The following PPP6R2 variants were observed in gnomAD, a reference collection of about 807,000 sequenced individuals.
PPP6R2 encodes the protein serine/threonine-protein phosphatase 6 regulatory subunit 2.
Under a neutral mutation model 100.2 loss-of-function variants are expected in PPP6R2, and 62 were observed. The observed-to-expected ratio is 0.62, with a 90% CI of 0.50 to 0.76. The LOEUF (loss-of-function observed/expected upper bound fraction) is 0.76, where lower values mean the gene tolerates loss of function less well. Among genes scored for constraint, PPP6R2 ranks in the 30% least tolerant of loss-of-function variants. The pLI, the probability that PPP6R2 is intolerant of heterozygous loss-of-function variation, is 0.00. For missense variants in PPP6R2, 1,142 were observed against 1,276.3 expected, an observed-to-expected ratio of 0.89 and a Z score of 1.60; for synonymous variants, 525 against 514.7, an observed-to-expected ratio of 1.02 and a Z score of -0.27.
chr22:50,423,763 C>T lies in PPP6R2; in HGVS notation c.1125+149C>T, dbSNP rs1225445520. On this transcript the variant is annotated intron_variant, in intron 10 of 23. Transcript: ENST00000612753. The surrounding 1 kb of genome is among the most constrained non-coding windows in gnomAD (Gnocchi z 4.8). ...AGTCCCAAGTCCCAAGGCTGGACTA[C>T]AGGTCTCTGGCGGGGCACAGAGCAG... The T allele has an allele frequency of 9.8e-7, 1 of 1,020,308 alleles. No homozygotes were observed. Among genetic ancestry groups the T allele is most frequent in the Non-Finnish European group, 1.4e-6 (1 of 699,890 alleles). The allele number at this position is 1,020,308 out of a possible 1,614,324, so 63.2% of individuals were successfully genotyped here.
In PPP6R2 at chr22:50,435,074, C is replaced by G; in HGVS notation, c.1509C>G (p.Val503=). 6.5e-7 allele frequency: 1 copy of G among 1,547,448 alleles called. No homozygotes were observed. Among genetic ancestry groups the G allele is most frequent in the Non-Finnish European group, 8.7e-7 (1 of 1,144,374 alleles). The part of the protein sequence containing the change: ...RGPVQTHISE[V]IRGLPADCRG... Reference sequence around the variant, plus strand: ...CTGTGCAGACGCACATCAGCGAGGTCATCCGAGGTGAGCCCCCAACCCGGT... The same window carrying G: ...CTGTGCAGACGCACATCAGCGAGGTGATCCGAGGTGAGCCCCCAACCCGGT... Residue 503 remains valine, a synonymous_variant, in exon 13 of 24, where the codon GTC becomes GTG. Coordinates refer to ENST00000612753, the MANE Select transcript of PPP6R2 (RefSeq NM_001242898.2).
At chr22:50,339,649 GGT>G (rs1210735461), upstream of PPP6R2, among the ~76,000 whole-genome samples, 3 of 132,610 alleles carry the variant, frequency 2.3e-5, no homozygotes, top group African/African-American at 5.7e-5. Context: ...GTGTGTGTAG[GGT>G]GTGTGGTGTA....
In PPP6R2 at chr22:50,360,159, T is replaced by A. The variant is rs539260757; in HGVS notation, c.-147-11861T>A. ...CCTCCATCTCCTGGGTTCAAGCGAT[T>A]CTCCTGCCTCAGCCTCCCAAGTAGC... is the stretch of plus-strand genomic sequence containing the variant. On this transcript the variant is annotated intron_variant, in intron 1 of 23. Transcript: ENST00000612753. 7.2e-5 allele frequency among the ~76,000 whole-genome samples: 11 copies of A among 151,894 alleles called. No homozygotes were observed. In the South Asian group the frequency reaches 2.3e-3, roughly 32 times the overall value.
Position 50,438,261 on chromosome 22 carries a change from G to C in PPP6R2, c.1927G>C (p.Asp643His). The stretch of plus-strand genomic sequence containing the variant: ...GGACGAGGACATCTGGGAGGACAGT[G>C]ACACTCGCTGTGCTGCCCGGGTGAT... The part of the protein sequence containing the change: ...DEDEDIWEDS[D>H]TRCAARVMAR... Residue 643 changes from aspartate (D) to histidine (H), a missense_variant, in exon 18 of 24, where the codon GAC (aspartate) becomes CAC (histidine). By Grantham distance (81) the Asp-to-His change is moderately conservative (BLOSUM62 -1). This residue lies in a region of PPP6R2 where 550 missense variants were observed against 517.4 expected (regional missense o/e 1.06). Transcript: ENST00000612753. The C allele has an allele frequency of 1.2e-6, 2 of 1,613,796 alleles. No homozygotes were observed. Among genetic ancestry groups the C allele is most frequent in the Non-Finnish European group, 1.7e-6 (2 of 1,179,968 alleles).
chr22:50,356,256 G>A (rs917616653), intron 1 of PPP6R2, among the ~76,000 whole-genome samples: 1 of 151,078 alleles, frequency 6.6e-6, no homozygotes, highest in East Asian at 1.9e-4. Flanking sequence ...GAGCCACCAC[G>A]CCCGGCCTTC....
chr22:50,342,233 T>C (rs1276902698), upstream of PPP6R2, among the ~76,000 whole-genome samples: 1 of 152,214 alleles, frequency 6.6e-6, no homozygotes, highest in Non-Finnish European at 1.5e-5. Context: ...GCAGGGTGTC[T>C]CTTCTCTAGG....
At chr22:50,391,432 CAAAAAAAA>C (rs57682271) in intron 2 of PPP6R2, among the ~76,000 whole-genome samples, 10 of 65,294 alleles carry the variant, frequency 1.5e-4, no homozygotes, top group African/African-American at 6.4e-4. Flanking sequence ...GACTCCGTCT[CAAAAAAAA>C]AAAAAAAAAA....
At chr22:50,401,737 G>A (rs2058077944) in intron 3 of PPP6R2, among the ~76,000 whole-genome samples, 1 of 151,656 alleles carries the variant, frequency 6.6e-6, no homozygotes, top group Non-Finnish European at 1.5e-5. Flanking sequence ...TCGCCTCCTG[G>A]GTTCACGCCA....
upstream of PPP6R2, among the ~76,000 whole-genome samples, chr22:50,338,440 AGTGT>A (rs1355699571): frequency 1.4e-5 from 1 of 71,174 alleles, no homozygotes; most frequent in East Asian, 4.8e-4. Flanking sequence ...GTGTGTGTAG[AGTGT>A]GTGGTGTGTG....
rs961963453 is a variant in PPP6R2, at chr22:50,431,456, G to A, written c.1335+74G>A. The A allele has an allele frequency of 3.0e-5, 41 of 1,361,172 alleles. No individual in the cohort carries two copies. Among genetic ancestry groups the A allele is most frequent in the Admixed American group, 1.6e-4 (8 of 50,904 alleles). The allele number at this position is 1,361,172 out of a possible 1,614,324, so 84.3% of individuals were successfully genotyped here. ...AGACCGTGTCCATGTCAGCGCTGAC[G>A]TGTGCCGGACCTCACTGTGCAGCTG... On this transcript the variant is annotated intron_variant, in intron 11 of 23. Transcript: ENST00000612753. This position sits in a 1 kb window ranked among gnomAD's most constrained non-coding sequence, Gnocchi z 4.8.
At chr22:50,338,048 GGTGTGATGT>G in the PPP6R2 span, among the ~76,000 whole-genome samples, 2 of 137,014 alleles carry the variant, frequency 1.5e-5, no homozygotes, top group Admixed American at 7.3e-5. Flanking sequence ...GTGTATGTGT[GGTGTGATGT>G]GTGTGGTGTG....
At position 50,436,363 on chromosome 22, in the gene PPP6R2, G is replaced by T; in HGVS notation, c.1517-4G>T. The stretch of plus-strand genomic sequence containing the variant: ...GGGCTCACCAGGCAGCACTTCCCTT[G>T]CAGGGCTCCCTGCGGACTGCCGTGG... On this transcript the variant is annotated splice_region_variant and splice_polypyrimidine_tract_variant and intron_variant, in intron 13 of 23. Coordinates refer to ENST00000612753, the MANE Select transcript of PPP6R2 (RefSeq NM_001242898.2). 6.4e-7 allele frequency: 1 copy of T among 1,568,536 alleles called. No individual in the cohort carries two copies. Among genetic ancestry groups the T allele is most frequent in the East Asian group, 2.3e-5 (1 of 43,182 alleles).
chr22:50,438,780 G>A lies in PPP6R2; in HGVS notation c.2128+18G>A. 1 of 1,576,430 alleles carries A rather than the reference G, an allele frequency of 6.3e-7. No individual in the cohort carries two copies. Among genetic ancestry groups the A allele is most frequent in the South Asian group, 1.1e-5 (1 of 87,286 alleles). ...CTCAGAAGGTGGTGCTGGGCGCCAG[G>A]GGCTGGGAGTGTGGGTATCGGGGAC... On this transcript the variant is annotated intron_variant, in intron 19 of 23. Transcript: ENST00000612753.
intron 3 of PPP6R2, among the ~76,000 whole-genome samples, chr22:50,398,390 C>G (rs1208105753): frequency 2.0e-5 from 3 of 151,280 alleles, no homozygotes; most frequent in Non-Finnish European, 4.4e-5. Context: ...CCAGGCTGGT[C>G]TCGAATTCCC....
At chr22:50,368,977 G>A (rs2049363348) in intron 1 of PPP6R2, among the ~76,000 whole-genome samples, 1 of 152,140 alleles carries the variant, frequency 6.6e-6, no homozygotes. Context: ...AGTGGCTCAC[G>A]CCTGTAATCC....
At chr22:50,430,989 G>T (rs2063037919) in intron 10 of PPP6R2, among the ~76,000 whole-genome samples, 184 bp from the exon 11 acceptor site, 1 of 152,044 alleles carries the variant, frequency 6.6e-6, no homozygotes, top group South Asian at 2.1e-4. Context: ...GTGGCTATTT[G>T]AAGAAGCTCC....
chr22:50,441,445 G>T (rs1009652200), intron 22 of PPP6R2, among the ~76,000 whole-genome samples: 9 of 152,176 alleles, frequency 5.9e-5, no homozygotes, highest in Non-Finnish European at 1.3e-4. Context: ...TCGGGGAGGG[G>T]CACAGACTTT....
intron 1 of PPP6R2, among the ~76,000 whole-genome samples, chr22:50,348,583 G>C (rs2044277014): frequency 6.6e-6 from 1 of 152,128 alleles, no homozygotes; most frequent in African/African-American, 2.4e-5. Flanking sequence ...GGCTGGGGGT[G>C]TTACTACAGT....
intron 10 of PPP6R2, among the ~76,000 whole-genome samples, chr22:50,427,506 T>C (rs1305825548): frequency 6.6e-6 from 1 of 152,210 alleles, no homozygotes; most frequent in Non-Finnish European, 1.5e-5. Flanking sequence ...TTCTTAACAA[T>C]ATTAAGTCTT....
Sources: allele counts gnomAD v4.1 joint callset (sites outside exome capture counted in the v4.1 genomes callset), GRCh38; gene constraint gnomAD v4.1.1; regional missense constraint gnomAD v4.1.1; non-coding constraint Gnocchi (gnomAD v3.1); transcripts MANE v1.5; gene names NCBI Gene and HGNC (gene_info 2026-07-23, HGNC 2026-07-21).